Variants in SGCZ observed in about 807,000 individuals in gnomAD.
SGCZ encodes zeta-sarcoglycan.
SGCZ carries 40 observed loss-of-function variants against 41.3 expected under a neutral mutation model. The ratio of observed to expected loss-of-function variants is 0.97; its 90% CI spans 0.75 to 1.26. The LOEUF is 1.26. SGCZ is among the 50% of genes most tolerant of loss of function. The pLI is 0.00. For synonymous variants in SGCZ, 206 were observed against 137.5 expected (o/e 1.50, Z -3.49); for missense variants, 552 against 369.8 (o/e 1.49, Z -4.04).
intron 3 of SGCZ, among the ~76,000 whole-genome samples, chr8:14,294,594 G>A (rs1245467207): frequency 6.6e-6 from 1 of 151,952 alleles, no homozygotes; most frequent in East Asian, 1.9e-4. Flanking sequence ...GGGATGCTCT[G>A]ATTCTTGAAG....
Position 14,254,761 on chromosome 8 carries a change from G to A in SGCZ, c.337-17082C>T, listed in dbSNP as rs780794743. 1.6e-3 allele frequency among the ~76,000 whole-genome samples: 243 copies of A among 151,896 alleles called. 1 individual carries two copies. The highest frequency in any genetic ancestry group is 0.01 in the Middle Eastern group (3 of 294). On this transcript the variant is annotated intron_variant, in intron 3 of 7. Transcript: ENST00000382080. ...ACATCGTGTCGTCTTTTTTTTTCTG[G>A]AGGAGGAATTTGTGATGTGTGAGAT...
chr8:14,818,370 T>C (rs778849700), intron 1 of SGCZ, among the ~76,000 whole-genome samples: 1 of 152,090 alleles, frequency 6.6e-6, no homozygotes, highest in African/African-American at 2.4e-5. Flanking sequence ...ACATTGCTAA[T>C]GAGAATTATA....
intron 2 of SGCZ, among the ~76,000 whole-genome samples, chr8:14,425,548 G>A (rs941203229): frequency 2.6e-5 from 4 of 151,878 alleles, no homozygotes; most frequent in Admixed American, 6.6e-5. Context: ...TTGAAACCAC[G>A]AGGCAGACGT....
At chr8:14,137,375 C>G (rs1163879621) in intron 5 of SGCZ, among the ~76,000 whole-genome samples, 2 of 152,194 alleles carry the variant, frequency 1.3e-5, no homozygotes, top group East Asian at 3.9e-4. Context: ...TAATAACAAA[C>G]TCCTCCGAGC....
intron 2 of SGCZ, among the ~76,000 whole-genome samples, chr8:14,544,936 T>G (rs1027049430): frequency 1.3e-5 from 2 of 152,142 alleles, no homozygotes; most frequent in Non-Finnish European, 2.9e-5. Context: ...CTTTGAAGCA[T>G]GTGATCTTTG....
intron 2 of SGCZ, among the ~76,000 whole-genome samples, chr8:14,495,233 A>G (rs1801956547): frequency 1.3e-5 from 2 of 152,182 alleles, no homozygotes; most frequent in Non-Finnish European, 2.9e-5. Flanking sequence ...TACTCCCTGA[A>G]AAGCTGGAGT....
intron 1 of SGCZ, among the ~76,000 whole-genome samples, chr8:14,625,735 G>T (rs1486630338): frequency 6.6e-6 from 1 of 152,090 alleles, no homozygotes; most frequent in Non-Finnish European, 1.5e-5. Context: ...CTGGCTAGAA[G>T]TGAACAGTGT....
intron 3 of SGCZ, among the ~76,000 whole-genome samples, chr8:14,318,159 A>AAAAGAAAG (rs974840978): frequency 6.6e-6 from 1 of 151,554 alleles, no homozygotes; most frequent in Non-Finnish European, 1.5e-5. Flanking sequence ...TTGGTTTTTC[A>AAAAGAAAG]AAAGAAAGAA....
At chr8:14,374,401 G>C (rs1293882728) in intron 2 of SGCZ, among the ~76,000 whole-genome samples, 1 of 152,086 alleles carries the variant, frequency 6.6e-6, no homozygotes, top group African/African-American at 2.4e-5. Flanking sequence ...AGGAACAAAA[G>C]GGAAAACACA....
chr8:14,449,327 T>C (rs1044195621), intron 2 of SGCZ, among the ~76,000 whole-genome samples: 2 of 152,218 alleles, frequency 1.3e-5, no homozygotes, highest in African/African-American at 4.8e-5. Flanking sequence ...TGTCCACTTA[T>C]TCTCAAAAAT....
At chr8:14,163,901 C>A (rs910301494) in intron 5 of SGCZ, among the ~76,000 whole-genome samples, 2 of 152,030 alleles carry the variant, frequency 1.3e-5, no homozygotes, top group African/African-American at 4.8e-5. Flanking sequence ...TGGGTACTTT[C>A]AAGGGATTGT....
chr8:15,020,974 C>T (rs1366389054), intron 1 of SGCZ, among the ~76,000 whole-genome samples: 2 of 152,110 alleles, frequency 1.3e-5, no homozygotes, highest in Non-Finnish European at 2.9e-5. Context: ...CTCTTGAAAT[C>T]AAATCATATC....
intron 2 of SGCZ, among the ~76,000 whole-genome samples, chr8:14,493,292 G>A (rs763117162): frequency 4.2e-5 from 6 of 142,844 alleles, no homozygotes; most frequent in Non-Finnish European, 7.6e-5. Context: ...TTCCTTAAAT[G>A]TAAAATACTT....
chr8:14,790,402 T>G (rs1455123119), intron 1 of SGCZ, among the ~76,000 whole-genome samples: 10 of 152,308 alleles, frequency 6.6e-5, no homozygotes, highest in African/African-American at 2.4e-4. Flanking sequence ...ATATGACTGA[T>G]GCAAATGTAC....
chr8:14,310,269 T>G (rs536363986), intron 3 of SGCZ, among the ~76,000 whole-genome samples: 1 of 152,282 alleles, frequency 6.6e-6, no homozygotes, highest in African/African-American at 2.4e-5. Flanking sequence ...TTTCCTCATG[T>G]AACATTGGTG....
chr8:14,830,388 A>C (rs1189445386), intron 1 of SGCZ, among the ~76,000 whole-genome samples: 1 of 152,162 alleles, frequency 6.6e-6, no homozygotes, highest in Non-Finnish European at 1.5e-5. Context: ...TATGTTTTTT[A>C]GCATTAAATA....
chr8:14,490,171 T>G (rs1053521868), intron 2 of SGCZ, among the ~76,000 whole-genome samples: 13 of 152,104 alleles, frequency 8.5e-5, no homozygotes, highest in Admixed American at 2.6e-4. Context: ...CGGCCAACTC[T>G]CCTGCCTTTT....
In SGCZ at chr8:14,962,805, G is replaced by A. The variant is rs563157458; in HGVS notation, c.39+274780C>T. 3.3e-5 allele frequency among the ~76,000 whole-genome samples: 5 copies of A among 152,248 alleles called. No individual in the cohort carries two copies. In the East Asian group the frequency reaches 9.7e-4, roughly 29 times the overall value. ...GCAAGTGTCCCGCATTAAGAAATTC[G>A]TCGTGATAAGATATGCAGAACAAGG... On this transcript the variant is annotated intron_variant, in intron 1 of 7. Coordinates refer to ENST00000382080, the MANE Select transcript of SGCZ (RefSeq NM_139167.4).
intron 1 of SGCZ, among the ~76,000 whole-genome samples, chr8:14,997,346 T>C (rs1255829415): frequency 6.6e-6 from 1 of 152,208 alleles, no homozygotes. Context: ...TCCTTCTTTA[T>C]TCTTTTATAA....
Sources: allele counts gnomAD v4.1 joint callset (sites outside exome capture counted in the v4.1 genomes callset), GRCh38; gene constraint gnomAD v4.1.1; transcripts MANE v1.5; gene names NCBI Gene and HGNC (gene_info 2026-07-23, HGNC 2026-07-21).